SCPEP1: variants seen among roughly 807,000 people sequenced by gnomAD.
SCPEP1 encodes the protein serine carboxypeptidase 1.
A neutral mutation model predicts 63.8 loss-of-function variants in SCPEP1; 51 were observed. The ratio of observed to expected loss-of-function variants is 0.80; its 90% CI spans 0.64 to 1.01. The LOEUF (loss-of-function observed/expected upper bound fraction) is 1.01. Ranked by LOEUF, SCPEP1 falls within the 50% of genes least tolerant of loss-of-function variation. The probability of loss-of-function intolerance (pLI) is 0.00; values close to 1 mark genes in which losing one functional copy is unlikely to be tolerated. For missense variants in SCPEP1, 499 were observed against 554.9 expected, an observed-to-expected ratio of 0.90 and a Z score of 1.01; for synonymous variants, 204 against 207.8, an observed-to-expected ratio of 0.98 and a Z score of 0.16.
chr17:57,002,171 C>G lies in SCPEP1; in HGVS notation c.1286C>G (p.Ala429Gly), dbSNP rs774778044. ...KNLAFYWILKAGHMVPSDQGD... is the reference protein window; with the variant it reads ...KNLAFYWILKGGHMVPSDQGD... ...CTTGCTTTCTACTGGATTCTGAAAG[C>G]TGGTCATATGGTAAGAAAGAGCTTT... Residue 429 changes from alanine (A) to glycine (G), a missense_variant, in exon 12 of 13, where the codon GCT becomes GGT. By Grantham distance (60) the Ala-to-Gly change is moderately conservative. Coordinates refer to ENST00000262288, the MANE Select transcript of SCPEP1 (RefSeq NM_021626.3). 4.3e-6 allele frequency: 7 copies of G among 1,613,366 alleles called. No individual in the cohort carries two copies. The highest frequency in any genetic ancestry group is 5.9e-6 in the Non-Finnish European group (7 of 1,179,806).
At chr17:56,979,432 G>A (rs1911005266) in intron 1 of SCPEP1, among the ~76,000 whole-genome samples, 2 of 152,026 alleles carry the variant, frequency 1.3e-5, no homozygotes, top group Admixed American at 6.6e-5. Context: ...CAGTCACCGA[G>A]GGGATCCCCC....
intron 1 of SCPEP1, among the ~76,000 whole-genome samples, chr17:56,980,604 C>A (rs1338675612): frequency 6.6e-6 from 1 of 152,010 alleles, no homozygotes; most frequent in African/African-American, 2.4e-5. Context: ...GCCTGACCAA[C>A]ATGGAGAAAC....
intron 7 of SCPEP1, 197 bp from the exon 8 acceptor site, chr17:56,995,310 G>A (rs1008525616): frequency 1.3e-5 from 8 of 599,074 alleles, no homozygotes; most frequent in Non-Finnish European, 2.3e-5. Flanking sequence ...AAAGATCACG[G>A]TGAATACCTA....
At position 57,002,107 on chromosome 17, in the gene SCPEP1, T is replaced by C. The variant is rs749871714; in HGVS notation, c.1222T>C (p.Ser408Pro). The C allele has an allele frequency of 3.8e-5, 62 of 1,614,088 alleles. No individual in the cohort carries two copies. Among genetic ancestry groups the C allele is most frequent in the Non-Finnish European group, 5.0e-5 (59 of 1,180,034 alleles). The change falls in exon 12 of 13, where the codon TCT becomes CCT. Residue 408 changes from serine to proline, a missense_variant. Transcript: ENST00000262288. ...KWKALYSDPK[S>P]LETSAFVKSY... ...GAAGGCCCTGTACAGTGACCCTAAATCTTTGGAAACATCTGCTTTTGTCAA... is the reference window on the plus strand; with the variant it reads ...GAAGGCCCTGTACAGTGACCCTAAACCTTTGGAAACATCTGCTTTTGTCAA...
At chr17:56,994,935 A>G in intron 6 of SCPEP1, 46 bp from the exon 7 acceptor site, 1 of 1,541,612 alleles carries the variant, frequency 6.5e-7, no homozygotes, top group Non-Finnish European at 9.0e-7. Flanking sequence ...CTTTGGAAAG[A>G]CAGAGGTATG....
intron 11 of SCPEP1, among the ~76,000 whole-genome samples, chr17:57,001,742 C>T (rs1166850721): frequency 6.6e-6 from 1 of 152,218 alleles, no homozygotes; most frequent in Non-Finnish European, 1.5e-5. Context: ...AGTTCCCTTC[C>T]TAAAGAGCAG....
At chr17:56,991,662 A>C (rs962279747) in intron 6 of SCPEP1, among the ~76,000 whole-genome samples, 3 of 152,246 alleles carry the variant, frequency 2.0e-5, no homozygotes, top group African/African-American at 7.2e-5. Context: ...GTAATTGAGC[A>C]TCCGTGTTGC....
chr17:56,986,536 G>GT (rs113648747), intron 3 of SCPEP1, among the ~76,000 whole-genome samples: 25,954 of 136,378 alleles, frequency 0.19, 2,509 homozygotes, highest in African/African-American at 0.28. Flanking sequence ...GTCTTTCTTT[G>GT]TTTTTTTTTT....
chr17:56,996,502 G>A (rs112408504), intron 8 of SCPEP1, among the ~76,000 whole-genome samples: 11,037 of 151,418 alleles, frequency 0.073, 427 homozygotes, highest in Middle Eastern at 0.14. Context: ...ACCGCGCCTG[G>A]CCTCTTTTTC....
intron 1 of SCPEP1, among the ~76,000 whole-genome samples, chr17:56,979,195 C>G (rs1910999167): frequency 6.6e-6 from 1 of 152,132 alleles, no homozygotes; most frequent in Admixed American, 6.5e-5. Context: ...CACTATGTTG[C>G]CCAGGCTGGT....
intron 5 of SCPEP1, among the ~76,000 whole-genome samples, chr17:56,989,745 G>A (rs1469668314): frequency 6.6e-6 from 1 of 152,176 alleles, no homozygotes; most frequent in Non-Finnish European, 1.5e-5. Flanking sequence ...TTAGGAGTTG[G>A]AGAGCAGCCT....
chr17:56,978,372 A>C, intron 1 of SCPEP1, 137 bp downstream of exon 1: 1 of 1,067,706 alleles, frequency 9.4e-7, no homozygotes, highest in Non-Finnish European at 1.2e-6. Context: ...TTGCTTTTGA[A>C]TCTCACTCTT....
rs551743710 is a variant in SCPEP1, at chr17:56,987,849, A to G, written c.470A>G (p.Gln157Arg). ...TTCTTCAGTTGCCACAAAGAATTCC[A>G]GGTAAGCAAAGACTCAGGAACAGCT... is the stretch of plus-strand genomic sequence containing the variant. ...KTFFSCHKEF[Q>R]TVPFYIFSES... Residue 157 changes from glutamine to arginine, a missense_variant and splice_region_variant, in exon 4 of 13, where the codon CAG becomes CGG. By Grantham distance (43) the Gln-to-Arg change is conservative. Coordinates refer to ENST00000262288, the MANE Select transcript of SCPEP1 (RefSeq NM_021626.3). 5.6e-6 allele frequency: 9 copies of G among 1,614,018 alleles called. No individual in the cohort carries two copies. In the East Asian group the frequency reaches 1.8e-4, roughly 32 times the overall value.
chr17:56,996,184 T>G (rs1911552751), intron 8 of SCPEP1, among the ~76,000 whole-genome samples: 1 of 152,078 alleles, frequency 6.6e-6, no homozygotes. Context: ...CTTTATTTTA[T>G]TTTTTACTTT....
chr17:56,981,201 T>C lies in SCPEP1; in HGVS notation c.196T>C (p.Ser66Pro), dbSNP rs926199316. The C allele has an allele frequency of 2.5e-6, 4 of 1,614,068 alleles. No individual in the cohort carries two copies. Among genetic ancestry groups the C allele is most frequent in the Non-Finnish European group, 3.4e-6 (4 of 1,180,036 alleles). Residue 66 changes from serine (S) to proline (P), a missense_variant, in exon 2 of 13, where the codon TCA becomes CCA. Transcript: ENST00000262288. The stretch of plus-strand genomic sequence containing the variant: ...TGCCACCAACTCCTGCAAGAACTTC[T>C]CAGAACTGCCCCTGGTCATGTGGCT... ...YYATNSCKNF[S>P]ELPLVMWLQG...
chr17:57,004,692 G>T (rs909103156), intron 12 of SCPEP1, among the ~76,000 whole-genome samples: 3 of 152,140 alleles, frequency 2.0e-5, no homozygotes, highest in Admixed American at 6.5e-5. Flanking sequence ...ATAGACCGAA[G>T]GTACTTTCGT....
At chr17:56,997,884 A>G (rs1171737606) in intron 9 of SCPEP1, 1 of 154,326 alleles carries the variant, frequency 6.5e-6, no homozygotes, top group Non-Finnish European at 1.4e-5. Flanking sequence ...CCAACCTAAT[A>G]ATAAAGCCTC....
intron 3 of SCPEP1, among the ~76,000 whole-genome samples, chr17:56,986,315 A>T (rs1597915629): frequency 6.7e-6 from 1 of 149,650 alleles, no homozygotes; most frequent in Non-Finnish European, 1.5e-5. Flanking sequence ...TGCCTCCTGG[A>T]TTCAAGCGAT....
chr17:56,978,380 C>CA, intron 1 of SCPEP1, 145 bp downstream of exon 1: 1 of 776,002 alleles, frequency 1.3e-6, no homozygotes, highest in Non-Finnish European at 1.8e-6. Flanking sequence ...GAATCTCACT[C>CA]TTTTTTTTTT....
Sources: allele counts gnomAD v4.1 joint callset (sites outside exome capture counted in the v4.1 genomes callset), GRCh38; gene constraint gnomAD v4.1.1; transcripts MANE v1.5; gene names NCBI Gene and HGNC (gene_info 2026-07-23, HGNC 2026-07-21).